USP8: variants seen among roughly 807,000 people sequenced by gnomAD.
The protein encoded by USP8 is ubiquitin carboxyl-terminal hydrolase 8.
USP8 carries 27 observed loss-of-function variants against 130.0 expected under a neutral mutation model. The observed-to-expected ratio is 0.21, with a 90% CI of 0.15 to 0.29. The LOEUF (loss-of-function observed/expected upper bound fraction) is 0.29. Ranked by LOEUF, USP8 falls within the 10% of genes least tolerant of loss-of-function variation. The probability of loss-of-function intolerance (pLI) is 1.00; values close to 1 mark genes in which losing one functional copy is unlikely to be tolerated. For synonymous variants in USP8, 392 were observed against 444.1 expected, an observed-to-expected ratio of 0.88 and a Z score of 1.48; for missense variants, 1,029 against 1,312.2, an observed-to-expected ratio of 0.78 and a Z score of 3.33.
chr15:50,484,363 T>A lies in USP8; in HGVS notation c.1890+2T>A. On this transcript the variant is annotated splice_donor_variant, in intron 12 of 19. Coordinates refer to ENST00000307179, the MANE Select transcript of USP8 (RefSeq NM_005154.5). LOFTEE classifies it high-confidence loss of function. Reference sequence around the variant, plus strand: ...ACAGACGATACCGAAAGAAATAAAGTAAGTAGTTTATTGCAGGAAAAAACT... The same window carrying A: ...ACAGACGATACCGAAAGAAATAAAGAAAGTAGTTTATTGCAGGAAAAAACT... 6.2e-7 allele frequency: 1 copy of A among 1,607,518 alleles called. No individual in the cohort carries two copies. Among genetic ancestry groups the A allele is most frequent in the Non-Finnish European group, 8.5e-7 (1 of 1,177,604 alleles).
intron 5 of USP8, among the ~76,000 whole-genome samples, chr15:50,461,851 C>CA (rs35159499): frequency 0.037 from 4,463 of 120,484 alleles, 96 homozygotes; most frequent in South Asian, 0.11. Flanking sequence ...GACTCCGTCT[C>CA]AAAAAAAAAA....
intron 16 of USP8, 48 bp downstream of exon 16, chr15:50,494,328 C>T (rs367980833): frequency 1.5e-5 from 23 of 1,490,744 alleles, no homozygotes; most frequent in Admixed American, 2.3e-5. Context: ...TAGGGTTGCT[C>T]AGTAGCACTG....
intron 12 of USP8, among the ~76,000 whole-genome samples, chr15:50,489,332 C>T (rs2052074671): frequency 6.6e-6 from 1 of 152,096 alleles, no homozygotes; most frequent in South Asian, 2.1e-4. Flanking sequence ...CGTCTATTCT[C>T]TACTTACACC....
intron 4 of USP8, among the ~76,000 whole-genome samples, chr15:50,455,241 AGTTTTTTTGT>A (rs1261268524): frequency 6.6e-6 from 1 of 150,916 alleles, no homozygotes; most frequent in Non-Finnish European, 1.5e-5. Flanking sequence ...AGGCCCAGTT[AGTTTTTTTGT>A]GTTTTTTTGT....
chr15:50,450,294 G>A (rs541870780), intron 4 of USP8, among the ~76,000 whole-genome samples: 3 of 151,992 alleles, frequency 2.0e-5, no homozygotes, highest in African/African-American at 4.8e-5. Flanking sequence ...GATACTGTGC[G>A]TATAGGAATG....
In USP8 at chr15:50,490,214, T is replaced by C. The variant is rs116672818; in HGVS notation, c.1972-49T>C. 1,900 of 1,534,342 alleles carry C rather than the reference T, an allele frequency of 1.2e-3. 26 individuals carry two copies. In the African/African-American group the frequency reaches 0.023, roughly 19 times the overall value. On this transcript the variant is annotated intron_variant, in intron 13 of 19. Transcript: ENST00000307179. ...TGGAGTGATTTCTTTGTTTATATAATGCTTATTTTTGTTTTTTGACCTGTT... is the reference window on the plus strand; with the variant it reads ...TGGAGTGATTTCTTTGTTTATATAACGCTTATTTTTGTTTTTTGACCTGTT...
At position 50,502,015 on chromosome 15, in the gene USP8, TGGCTTATGA is replaced by T. The variant is rs2052597331; in HGVS notation, c.*2931_*2939del. 6.6e-6 allele frequency: 1 copy of T among 152,232 alleles called. No individual in the cohort carries two copies. The highest frequency in any genetic ancestry group is 1.5e-5 in the Non-Finnish European group (1 of 68,042). The allele number at this position is 152,232 out of a possible 1,614,324, so 9.4% of individuals were successfully genotyped here. A position where few individuals can be genotyped will look rare whatever the true frequency, so the allele number is the denominator to read the frequency against. ...CTGAATAGTTGCAGCCAATACCATA[TGGCTTATGA>T]GGCCTAAAATATTTACTGTTTGGCC... On this transcript the variant is annotated 3_prime_UTR_variant, in exon 20 of 20. Coordinates refer to ENST00000307179, the MANE Select transcript of USP8 (RefSeq NM_005154.5).
chr15:50,430,869 T>A (rs1317119331), intron 1 of USP8, among the ~76,000 whole-genome samples: 1 of 152,168 alleles, frequency 6.6e-6, no homozygotes, highest in Non-Finnish European at 1.5e-5. Flanking sequence ...TTGGGGGTAA[T>A]TTTGCCTTCC....
Position 50,481,973 on chromosome 15 carries a change from A to C in USP8, c.1711A>C (p.Arg571=). 1 of 1,599,786 alleles carries C rather than the reference A, an allele frequency of 6.3e-7. No homozygotes were observed. The highest frequency in any genetic ancestry group is 8.5e-7 in the Non-Finnish European group (1 of 1,176,288). ...TGATGCCAAGAAATCTGTAGAAGAT[A>C]GGGGGAAAAGGTGTCCAACCCCAGA... ...TSDAKKSVED[R]GKRCPTPEIQ... is the part of the protein sequence containing the mutation. Residue 571 remains arginine, a synonymous_variant, in exon 11 of 20, where the codon AGG becomes CGG. Coordinates refer to ENST00000307179, the MANE Select transcript of USP8 (RefSeq NM_005154.5).
chr15:50,425,497 GT>G (rs1406110579), intron 1 of USP8, among the ~76,000 whole-genome samples: 1 of 152,198 alleles, frequency 6.6e-6, no homozygotes, highest in African/African-American at 2.4e-5. Flanking sequence ...GATTTGGGTA[GT>G]TTCTCCTTAC....
intron 8 of USP8, 100 bp downstream of exon 8, chr15:50,471,895 A>C: frequency 7.7e-7 from 1 of 1,295,642 alleles, no homozygotes; most frequent in South Asian, 1.3e-5. Flanking sequence ...TAAAAGATTC[A>C]TCATGCCTTT....
intron 7 of USP8, among the ~76,000 whole-genome samples, chr15:50,471,325 A>G (rs1421693407): frequency 1.3e-5 from 2 of 152,198 alleles, no homozygotes; most frequent in Non-Finnish European, 2.9e-5. Context: ...AGGAGCTCAG[A>G]TAATTTTCTC....
Position 50,471,618 on chromosome 15 carries a change from A to C in USP8, c.687-15A>C. 1 of 1,605,520 alleles carries C rather than the reference A, an allele frequency of 6.2e-7. No homozygotes were observed. The highest frequency in any genetic ancestry group is 8.5e-7 in the Non-Finnish European group (1 of 1,178,292). On this transcript the variant is annotated splice_polypyrimidine_tract_variant and intron_variant, in intron 7 of 19. Transcript: ENST00000307179. ...TGTTGACTTTTGCCCCAATTTAAAT[A>C]TTAATACATTTCAGAGTCACTGCTA...
At chr15:50,444,657 A>G (rs1291478725) in intron 3 of USP8, 3 of 152,208 alleles carry the variant, frequency 2.0e-5, no homozygotes, top group East Asian at 1.9e-4. Flanking sequence ...AACTTAGGCC[A>G]TTATTTCATA....
intron 1 of USP8, among the ~76,000 whole-genome samples, chr15:50,438,079 A>G (rs899022744): frequency 6.6e-6 from 1 of 152,250 alleles, no homozygotes; most frequent in Admixed American, 6.5e-5. Context: ...AGAAGGGATG[A>G]GTACCAATAA....
rs1421852025 is a variant in USP8, at chr15:50,498,602, C to T, written c.3045C>T (p.Ser1015=). The T allele has an allele frequency of 6.2e-7, 1 of 1,605,888 alleles. No homozygotes were observed. Among genetic ancestry groups the T allele is most frequent in the African/African-American group, 1.3e-5 (1 of 74,574 alleles). The change falls in exon 19 of 20, where the codon TCC becomes TCT. Residue 1015 remains serine (S), a synonymous_variant. Transcript: ENST00000307179. ...PVLLVHLKRF[S]YDGRWKQKLQ... ...GTAATGTTTTGTTCTGCAGTTTTTCCTACGATGGCAGGTGGAAACAAAAAT... is the reference window on the plus strand; with the variant it reads ...GTAATGTTTTGTTCTGCAGTTTTTCTTACGATGGCAGGTGGAAACAAAAAT...
In USP8 at chr15:50,481,931, A is replaced by T. The variant is rs759491390; in HGVS notation, c.1669A>T (p.Ser557Cys). ...AACAGGAGTAAAAAGACAAAGTAAA[A>T]GTGAACATGAAACTTCTGATGCCAA... Reference protein sequence around the residue: ...EITGVKRQSKSEHETSDAKKS... With the variant: ...EITGVKRQSKCEHETSDAKKS... The change falls in exon 11 of 20, where the codon AGT (serine) becomes TGT (cysteine). Residue 557 changes from serine (S) to cysteine (C), a missense_variant. Physicochemically the swap from Ser to Cys is moderately radical, Grantham distance 112. Coordinates refer to ENST00000307179, the MANE Select transcript of USP8 (RefSeq NM_005154.5). The T allele has an allele frequency of 1.2e-6, 2 of 1,608,478 alleles. No individual in the cohort carries two copies. Among genetic ancestry groups the T allele is most frequent in the South Asian group, 2.2e-5 (2 of 89,760 alleles).
At chr15:50,445,460 C>A (rs2050396452) in intron 3 of USP8, among the ~76,000 whole-genome samples, 1 of 140,638 alleles carries the variant, frequency 7.1e-6, no homozygotes, top group Admixed American at 7.8e-5. Flanking sequence ...GCAGGGGAAT[C>A]GCTTGAACCT....
chr15:50,501,282 A>C lies in USP8; in HGVS notation c.*2194A>C, dbSNP rs2052582410. The stretch of plus-strand genomic sequence containing the variant: ...CAAGACCAGCCTGGGCAAAATAGCG[A>C]GACTCCATATCTTTTAAAGGAAAAA... On this transcript the variant is annotated 3_prime_UTR_variant, in exon 20 of 20. Coordinates refer to ENST00000307179, the MANE Select transcript of USP8 (RefSeq NM_005154.5). The C allele has an allele frequency of 6.7e-6, 1 of 148,668 alleles. No individual in the cohort carries two copies. The highest frequency in any genetic ancestry group is 1.5e-5 in the Non-Finnish European group (1 of 68,380). 9.2% of individuals were successfully genotyped at this position (148,668 alleles called of 1,614,324 possible).
Sources: gnomAD v4.1 joint callset for allele counts (sites outside exome capture counted in the v4.1 genomes callset) on GRCh38, gnomAD v4.1.1 for gene constraint, MANE v1.5 for transcripts, NCBI Gene and HGNC (gene_info 2026-07-23, HGNC 2026-07-21) for gene names.